Variants in DOCK10 observed in about 807,000 individuals in gnomAD.
DOCK10 encodes dedicator of cytokinesis 10.
In DOCK10, 145 loss-of-function variants were observed where a neutral mutation model predicts 280.1. The observed-to-expected ratio is 0.52, with a 90% CI of 0.45 to 0.59. The LOEUF (loss-of-function observed/expected upper bound fraction) is 0.59. Ranked by LOEUF, DOCK10 falls within the 20% of genes least tolerant of loss-of-function variation. The pLI is 0.00. For missense variants in DOCK10, 2,368 were observed against 2,651.7 expected (o/e 0.89, Z 2.35); for synonymous variants, 915 against 942.2 (o/e 0.97, Z 0.53).
At chr2:224,801,303 A>C (rs914724065) in intron 40 of DOCK10, among the ~76,000 whole-genome samples, 6 of 146,148 alleles carry the variant, frequency 4.1e-5, no homozygotes, top group African/African-American at 7.5e-5. Context: ...AAAAAAAAAA[A>C]CATATTTGGG....
chr2:224,951,267 C>T (rs770097192), intron 1 of DOCK10, among the ~76,000 whole-genome samples: 3 of 152,168 alleles, frequency 2.0e-5, no homozygotes, highest in Admixed American at 1.3e-4. Context: ...TGTATAATGG[C>T]TAAGATTCCT....
chr2:224,834,091 G>GT, intron 26 of DOCK10, 59 bp downstream of exon 26: 1 of 971,834 alleles, frequency 1.0e-6, no homozygotes, highest in South Asian at 1.4e-5. Context: ...TCATTTTCCA[G>GT]GAGTAAGCGT....
At chr2:225,024,655 C>T (rs890682021) in intron 1 of DOCK10, among the ~76,000 whole-genome samples, 3 of 151,456 alleles carry the variant, frequency 2.0e-5, no homozygotes, top group Admixed American at 6.6e-5. Flanking sequence ...TTTGGGAGGC[C>T]GAGGTGGGCG....
At chr2:224,822,300 T>C (rs1444444288) in intron 28 of DOCK10, among the ~76,000 whole-genome samples, 1 of 152,232 alleles carries the variant, frequency 6.6e-6, no homozygotes, top group Non-Finnish European at 1.5e-5. Flanking sequence ...TTGCATTTCT[T>C]TCCTCTCAGC....
intron 1 of DOCK10, among the ~76,000 whole-genome samples, chr2:224,998,797 G>A (rs1706346326): frequency 6.6e-6 from 1 of 152,158 alleles, no homozygotes; most frequent in African/African-American, 2.4e-5. Flanking sequence ...CTCCATCAAA[G>A]AGTCACAAGT....
chr2:224,973,377 G>A (rs1705204868), intron 1 of DOCK10, among the ~76,000 whole-genome samples: 1 of 152,160 alleles, frequency 6.6e-6, no homozygotes, highest in Non-Finnish European at 1.5e-5. Flanking sequence ...TCAGCCAGGT[G>A]GGGCCAATGT....
At chr2:224,983,041 A>G (rs567505985) in intron 1 of DOCK10, among the ~76,000 whole-genome samples, 5 of 152,294 alleles carry the variant, frequency 3.3e-5, no homozygotes, top group East Asian at 3.9e-4. Flanking sequence ...CTGTTCCCAC[A>G]CATGCAGTTC....
At chr2:224,799,093 T>C (rs1462825604) in intron 41 of DOCK10, among the ~76,000 whole-genome samples, 1 of 152,246 alleles carries the variant, frequency 6.6e-6, no homozygotes, top group Non-Finnish European at 1.5e-5. Context: ...CATGAAACCA[T>C]CACCACAATC....
chr2:224,768,982 A>G (rs1406351484), intron 55 of DOCK10: 2 of 454,340 alleles, frequency 4.4e-6, no homozygotes, highest in Non-Finnish European at 8.8e-6. Flanking sequence ...TTTTTGTCCA[A>G]AGTTTCTAGG....
chr2:224,863,998 A>C (rs1697700018), intron 13 of DOCK10, among the ~76,000 whole-genome samples: 1 of 152,170 alleles, frequency 6.6e-6, no homozygotes, highest in Non-Finnish European at 1.5e-5. Flanking sequence ...CATTATTATT[A>C]ATACTCTGAT....
chr2:224,853,821 TCTGA>T (rs1463188578), intron 16 of DOCK10, among the ~76,000 whole-genome samples: 2 of 152,236 alleles, frequency 1.3e-5, no homozygotes, highest in Non-Finnish European at 1.5e-5. Flanking sequence ...CCACCTGGAA[TCTGA>T]CTGTGTTCTA....
chr2:224,861,628 C>T (rs1474922978), intron 14 of DOCK10: 1 of 152,212 alleles, frequency 6.6e-6, no homozygotes, highest in African/African-American at 2.4e-5. Flanking sequence ...TCACTGGGAA[C>T]TGTGAGACTT....
chr2:225,007,096 C>T (rs1306759279), intron 1 of DOCK10, among the ~76,000 whole-genome samples: 2 of 152,152 alleles, frequency 1.3e-5, no homozygotes, highest in Non-Finnish European at 2.9e-5. Context: ...CTAGAGTGGA[C>T]ATTAACAGGA....
chr2:224,823,196 C>A (rs1694620545), intron 28 of DOCK10, among the ~76,000 whole-genome samples: 1 of 151,938 alleles, frequency 6.6e-6, no homozygotes, highest in South Asian at 2.1e-4. Context: ...CCATGTTGGC[C>A]AGGATGGTCT....
chr2:224,934,142 G>C (rs2126035013), intron 1 of DOCK10, among the ~76,000 whole-genome samples: 1 of 152,226 alleles, frequency 6.6e-6, no homozygotes, highest in East Asian at 1.9e-4. Context: ...CTGTGCTGTG[G>C]CTGCAGCAAC....
chr2:224,919,269 G>T (rs2125959687), intron 2 of DOCK10, among the ~76,000 whole-genome samples: 1 of 149,602 alleles, frequency 6.7e-6, no homozygotes, highest in South Asian at 2.1e-4. Context: ...GTGTAGGTTT[G>T]TCTGCATGTG....
chr2:224,908,564 G>A (rs1313049140), intron 3 of DOCK10, among the ~76,000 whole-genome samples: 2 of 152,094 alleles, frequency 1.3e-5, no homozygotes, highest in Non-Finnish European at 2.9e-5. Flanking sequence ...CATACGCATG[G>A]CTCAGTCATG....
intron 1 of DOCK10, among the ~76,000 whole-genome samples, chr2:224,964,823 A>AG (rs1178385150): frequency 6.6e-6 from 1 of 152,212 alleles, no homozygotes; most frequent in Non-Finnish European, 1.5e-5. Context: ...GAACCTCAAA[A>AG]GGGGAGAACA....
At chr2:224,828,129 A>G (rs1165881854) in intron 27 of DOCK10, among the ~76,000 whole-genome samples, 1 of 152,198 alleles carries the variant, frequency 6.6e-6, no homozygotes, top group Non-Finnish European at 1.5e-5. Context: ...GTTAAATCCT[A>G]GCTTAACCCA....
Sources: allele counts gnomAD v4.1 joint callset (sites outside exome capture counted in the v4.1 genomes callset), GRCh38; gene constraint gnomAD v4.1.1; transcripts MANE v1.5; gene names NCBI Gene and HGNC (gene_info 2026-07-23, HGNC 2026-07-21).